SV2C: variants seen among roughly 807,000 people sequenced by gnomAD.
SV2C encodes solute carrier family 22 member B3.
A neutral mutation model predicts 79.7 loss-of-function variants in SV2C; 49 were observed. The ratio of observed to expected loss-of-function variants is 0.61; its 90% confidence interval spans 0.49 to 0.78. SV2C has a LOEUF of 0.78. Ranked by LOEUF, SV2C falls within the 30% of genes least tolerant of loss-of-function variation. SV2C has a pLI of 0.00. For missense variants in SV2C, 833 were observed against 912.9 expected (o/e 0.91, Z 1.13); for synonymous variants, 334 against 333.2 (o/e 1.00, Z -0.03).
downstream of SV2C, among the ~76,000 whole-genome samples, chr5:76,334,659 A>AC (rs1463525840): frequency 1.3e-5 from 2 of 152,164 alleles, no homozygotes; most frequent in Non-Finnish European, 2.9e-5. Flanking sequence ...CAGAAGGAGA[A>AC]CTAGTCCCTC....
the SV2C span, among the ~76,000 whole-genome samples, chr5:75,885,605 C>T: frequency 6.6e-6 from 1 of 152,086 alleles, no homozygotes; most frequent in Non-Finnish European, 1.5e-5. Context: ...AAAGTATTCA[C>T]AGGCAAAAAT....
At chr5:76,271,616 C>CTTTTT (rs34458409) in intron 4 of SV2C, among the ~76,000 whole-genome samples, 68 of 96,048 alleles carry the variant, frequency 7.1e-4, no homozygotes, top group South Asian at 1.1e-3. Flanking sequence ...AGCATGTGTT[C>CTTTTT]TTTTTTTTTT....
the SV2C span, among the ~76,000 whole-genome samples, chr5:75,955,786 C>A: frequency 3.3e-5 from 5 of 150,108 alleles, no homozygotes; most frequent in Non-Finnish European, 7.5e-5. Flanking sequence ...CCAAAAAACA[C>A]GTGAAAAAAT....
chr5:76,003,052 T>A, the SV2C span, among the ~76,000 whole-genome samples: 2 of 152,048 alleles, frequency 1.3e-5, no homozygotes, highest in Non-Finnish European at 2.9e-5. Flanking sequence ...AGTGAGTGAG[T>A]TCGCACAAGA....
At chr5:76,273,544 T>G (rs1445315090) in intron 4 of SV2C, among the ~76,000 whole-genome samples, 2 of 152,222 alleles carry the variant, frequency 1.3e-5, no homozygotes, top group African/African-American at 4.8e-5. Context: ...CCAGAAAATG[T>G]GCTTCTTCGA....
chr5:75,854,988 T>G, the SV2C span, among the ~76,000 whole-genome samples: 1 of 152,204 alleles, frequency 6.6e-6, no homozygotes, highest in Non-Finnish European at 1.5e-5. Flanking sequence ...TCTATATGTC[T>G]ATGCTTAAAC....
chr5:76,041,172 T>C, the SV2C span, among the ~76,000 whole-genome samples: 2 of 152,160 alleles, frequency 1.3e-5, no homozygotes, highest in African/African-American at 4.8e-5. Flanking sequence ...TGTGCAACTA[T>C]TTTAAAATTA....
rs373484138 is a variant in SV2C at position 76,257,677 on chromosome 5, TGTG to T, written c.914-27481_914-27479del. ...GCATGGAAGTGTGGCGTGTGTGTGG[TGTG>T]GTGTGTGGTATGTATAGGTGTGTAG... is the stretch of plus-strand genomic sequence containing the variant. On this transcript the variant is annotated intron_variant, in intron 4 of 12. Transcript: ENST00000502798. Among the ~76,000 whole-genome samples, 4 of 150,092 alleles carry T rather than the reference TGTG, an allele frequency of 2.7e-5. No homozygotes were observed. The South Asian group carries it at 6.3e-4, about 24-fold the overall frequency.
chr5:76,082,266 C>G (rs1442649102), upstream of SV2C: 1 of 152,244 alleles, frequency 6.6e-6, no homozygotes, highest in Non-Finnish European at 1.5e-5. Flanking sequence ...TCGGAAGGCC[C>G]GGGAGGGCGA....
At chr5:76,339,713 CAAAAAAAA>C (rs536302675) in intron 12 of SV2C, among the ~76,000 whole-genome samples, 4 of 77,850 alleles carry the variant, frequency 5.1e-5, no homozygotes, top group Non-Finnish European at 1.2e-4. Context: ...GACTCTGTCT[CAAAAAAAA>C]AAAAAAAGAA....
chr5:76,015,748 A>C, the SV2C span, among the ~76,000 whole-genome samples: 4 of 152,152 alleles, frequency 2.6e-5, no homozygotes, highest in Non-Finnish European at 2.9e-5. Context: ...CAACATGCTC[A>C]ACTAATTTAC....
chr5:76,160,337 C>T (rs943447366), intron 2 of SV2C, among the ~76,000 whole-genome samples: 1 of 152,084 alleles, frequency 6.6e-6, no homozygotes, highest in African/African-American at 2.4e-5. Context: ...AACTTACTAC[C>T]AAGCAACAGT....
intron 4 of SV2C, among the ~76,000 whole-genome samples, chr5:76,260,711 A>AT (rs1315946964): frequency 1.3e-5 from 2 of 152,170 alleles, no homozygotes; most frequent in Non-Finnish European, 2.9e-5. Flanking sequence ...TCCTTTCCCC[A>AT]TTGCTTGTTT....
At chr5:75,898,613 T>C in the SV2C span, among the ~76,000 whole-genome samples, 2,518 of 152,208 alleles carry the variant, frequency 0.017, 37 homozygotes, top group African/African-American at 0.043. Context: ...CCCTCTTTTT[T>C]TATTGATTGG....
Position 76,295,942 on chromosome 5 carries a change from G to A in SV2C, c.1502G>A (p.Arg501Lys). 2.6e-6 allele frequency: 4 copies of A among 1,565,018 alleles called. No homozygotes were observed. Among genetic ancestry groups the A allele is most frequent in the Non-Finnish European group, 3.5e-6 (4 of 1,156,496 alleles). The change falls in exon 9 of 13, where the codon AGA becomes AAA. Residue 501 changes from arginine (R) to lysine (K), a missense_variant and splice_region_variant. Transcript: ENST00000502798. ...ACTGGAATGGAATACGACAATGGCAGGTCTAGAAACTTGAAATAATTTAAT... is the reference window on the plus strand; with the variant it reads ...ACTGGAATGGAATACGACAATGGCAAGTCTAGAAACTTGAAATAATTTAAT... ...IHTGMEYDNG[R>K]FIGVKFKSVT... is the part of the protein sequence containing the mutation.
At chr5:76,272,221 T>G (rs960149796) in intron 4 of SV2C, among the ~76,000 whole-genome samples, 2 of 152,146 alleles carry the variant, frequency 1.3e-5, no homozygotes, top group Admixed American at 6.5e-5. Context: ...GTCTTAATGC[T>G]GGAAATATTA....
At chr5:76,305,561 CCTTAT>C (rs1349581926) in intron 12 of SV2C, among the ~76,000 whole-genome samples, 2 of 152,144 alleles carry the variant, frequency 1.3e-5, no homozygotes, top group Non-Finnish European at 1.5e-5. Context: ...TTTCACTCTT[CCTTAT>C]CTTGATTTGC....
chr5:76,064,014 A>G, the SV2C span, among the ~76,000 whole-genome samples: 3 of 152,230 alleles, frequency 2.0e-5, no homozygotes, highest in Middle Eastern at 3.2e-3. Flanking sequence ...AATAAAATAC[A>G]TAATGATAAC....
At chr5:76,007,841 A>G in the SV2C span, among the ~76,000 whole-genome samples, 1 of 152,138 alleles carries the variant, frequency 6.6e-6, no homozygotes, top group African/African-American at 2.4e-5. Flanking sequence ...ATCAGCTGCA[A>G]TACTTCAGAG....
Sources: gnomAD v4.1 joint callset for allele counts (sites outside exome capture counted in the v4.1 genomes callset) on GRCh38, gnomAD v4.1.1 for gene constraint, MANE v1.5 for transcripts, NCBI Gene and HGNC (gene_info 2026-07-23, HGNC 2026-07-21) for gene names.